The following NRXN3 variants were observed in gnomAD, a reference collection of about 807,000 sequenced individuals.
NRXN3 encodes neurexin III.
A neutral mutation model predicts 137.6 loss-of-function variants in NRXN3; 32 were observed. That is an observed-to-expected ratio of 0.23 (90% confidence interval 0.18 to 0.31). The LOEUF (loss-of-function observed/expected upper bound fraction) is 0.31. Ranked by LOEUF, NRXN3 falls within the 10% of genes least tolerant of loss-of-function variation. The probability of loss-of-function intolerance (pLI) is 1.00; values close to 1 mark genes in which losing one functional copy is unlikely to be tolerated. For synonymous variants in NRXN3, 798 were observed against 784.5 expected (o/e 1.02, Z -0.29); for missense variants, 1,574 against 2,062.5 (o/e 0.76, Z 4.59).
intron 20 of NRXN3, among the ~76,000 whole-genome samples, chr14:79,836,620 T>C (rs2099344496): frequency 6.6e-6 from 1 of 152,136 alleles, no homozygotes; most frequent in Non-Finnish European, 1.5e-5. Flanking sequence ...GATGGATAAT[T>C]GTTGCTGTGC....
rs529307288 is a variant in NRXN3 at position 78,674,347 on chromosome 14, C to A, written c.1221+23021C>A. 4.6e-5 allele frequency among the ~76,000 whole-genome samples: 7 copies of A among 152,252 alleles called. No homozygotes were observed. The South Asian group carries it at 1.0e-3, about 23-fold the overall frequency. Reference sequence around the variant, plus strand: ...GATTATTCTGCAAATAATGGGGGACCTTTCTGAAGCCCTGGATCCCTGGCC... The same window carrying A: ...GATTATTCTGCAAATAATGGGGGACATTTCTGAAGCCCTGGATCCCTGGCC... On this transcript the variant is annotated intron_variant, in intron 6 of 20. Transcript: ENST00000335750.
At chr14:79,500,097 A>T (rs1396100924) in intron 16 of NRXN3, among the ~76,000 whole-genome samples, 3 of 152,126 alleles carry the variant, frequency 2.0e-5, no homozygotes, top group African/African-American at 7.2e-5. Flanking sequence ...TTGAGAATAC[A>T]AAGAAAGGTG....
At chr14:79,800,199 G>T (rs1332678595) in intron 19 of NRXN3, among the ~76,000 whole-genome samples, 1 of 152,210 alleles carries the variant, frequency 6.6e-6, no homozygotes, top group Non-Finnish European at 1.5e-5. Context: ...GAAAAAATGT[G>T]AAGATGACAT....
chr14:79,400,144 A>G (rs975086071), intron 15 of NRXN3, among the ~76,000 whole-genome samples: 3 of 152,204 alleles, frequency 2.0e-5, no homozygotes, highest in Admixed American at 6.5e-5. Flanking sequence ...TGCAAGTAAT[A>G]TCACATTCTG....
At chr14:79,393,260 C>A (rs1159240863) in intron 15 of NRXN3, among the ~76,000 whole-genome samples, 1 of 151,980 alleles carries the variant, frequency 6.6e-6, no homozygotes, top group Non-Finnish European at 1.5e-5. Context: ...CAGAAAGCAA[C>A]AAACACATTT....
At chr14:78,228,256 A>G (rs2064947350) in intron 1 of NRXN3, among the ~76,000 whole-genome samples, 1 of 150,082 alleles carries the variant, frequency 6.7e-6, no homozygotes, top group Non-Finnish European at 1.5e-5. Context: ...TCCCAGGTTC[A>G]AGCGATTCTC....
intron 15 of NRXN3, among the ~76,000 whole-genome samples, chr14:79,360,363 C>T (rs553385857): frequency 6.6e-6 from 1 of 152,280 alleles, no homozygotes; most frequent in East Asian, 1.9e-4. Flanking sequence ...CCTTGGCCTC[C>T]CAAAGTGCTA....
intron 4 of NRXN3, among the ~76,000 whole-genome samples, chr14:78,590,904 A>G (rs577954238): frequency 2.0e-5 from 3 of 152,274 alleles, no homozygotes. Context: ...TCTCAAAACA[A>G]ACAAACAAAC....
intron 15 of NRXN3, among the ~76,000 whole-genome samples, chr14:79,086,360 A>C (rs1357335487): frequency 2.0e-5 from 3 of 152,142 alleles, no homozygotes; most frequent in Non-Finnish European, 4.4e-5. Flanking sequence ...CTACTAGGCC[A>C]TCCCTCGCTT....
chr14:79,526,974 T>G (rs551893895), intron 16 of NRXN3, among the ~76,000 whole-genome samples: 73 of 152,210 alleles, frequency 4.8e-4, no homozygotes, highest in Non-Finnish European at 9.1e-4. Flanking sequence ...CAAAGTTAAT[T>G]ATCTAAGTAG....
chr14:79,685,610 T>C (rs1041391506), intron 17 of NRXN3, among the ~76,000 whole-genome samples: 11 of 152,206 alleles, frequency 7.2e-5, no homozygotes, highest in Admixed American at 6.5e-4. Flanking sequence ...ATTATAGGAA[T>C]GAATAAAGAG....
intron 8 of NRXN3, among the ~76,000 whole-genome samples, chr14:78,742,056 C>T (rs1473987893): frequency 2.6e-5 from 4 of 152,162 alleles, no homozygotes; most frequent in Non-Finnish European, 5.9e-5. Context: ...TTCAACAAAT[C>T]AGGTTGTCAA....
At chr14:78,320,421 G>A (rs1172216164) in intron 4 of NRXN3, among the ~76,000 whole-genome samples, 1 of 152,142 alleles carries the variant, frequency 6.6e-6, no homozygotes, top group Non-Finnish European at 1.5e-5. Context: ...CCTCTGGGTC[G>A]GGCTTGAGGT....
At chr14:78,587,529 C>T (rs969933701) in intron 4 of NRXN3, among the ~76,000 whole-genome samples, 9 of 152,062 alleles carry the variant, frequency 5.9e-5, no homozygotes, top group East Asian at 3.9e-4. Context: ...GTCTTCCAGG[C>T]GATTCTGATT....
chr14:79,839,441 A>G (rs1009478442), intron 20 of NRXN3, among the ~76,000 whole-genome samples: 1 of 152,178 alleles, frequency 6.6e-6, no homozygotes, highest in Non-Finnish European at 1.5e-5. Context: ...GTGTGAAAGA[A>G]AATGACACAG....
chr14:78,665,359 G>A (rs1400142681), intron 6 of NRXN3, among the ~76,000 whole-genome samples: 1 of 152,108 alleles, frequency 6.6e-6, no homozygotes, highest in African/African-American at 2.4e-5. Context: ...TAACATGGCA[G>A]CAGCAAGGAG....
intron 6 of NRXN3, among the ~76,000 whole-genome samples, chr14:78,702,295 TCATA>T (rs1247111212): frequency 9.8e-6 from 1 of 102,144 alleles, no homozygotes; most frequent in Non-Finnish European, 2.6e-5. Flanking sequence ...TATATGAAGT[TCATA>T]AATAAATAAT....
chr14:79,025,525 T>C (rs1296808838), intron 15 of NRXN3, among the ~76,000 whole-genome samples: 1 of 152,156 alleles, frequency 6.6e-6, no homozygotes, highest in Non-Finnish European at 1.5e-5. Context: ...CTCCACCTTT[T>C]CTTTACATTC....
chr14:78,375,214 G>GTGTT (rs1161233701), intron 4 of NRXN3, among the ~76,000 whole-genome samples: 1 of 152,188 alleles, frequency 6.6e-6, no homozygotes, highest in Non-Finnish European at 1.5e-5. Flanking sequence ...CGCTGTTAAA[G>GTGTT]TGTTTCTATT....
Sources: allele counts gnomAD v4.1 joint callset (sites outside exome capture counted in the v4.1 genomes callset), GRCh38; gene constraint gnomAD v4.1.1; transcripts MANE v1.5; gene names NCBI Gene and HGNC (gene_info 2026-07-23, HGNC 2026-07-21).